Variants in NBEA observed in about 807,000 individuals in gnomAD.
The protein encoded by NBEA is lysosomal-trafficking regulator 2.
A neutral mutation model predicts 343.4 loss-of-function variants in NBEA; 44 were observed. That is an observed-to-expected ratio of 0.13 (90% confidence interval 0.10 to 0.16). The LOEUF is 0.16. Among genes scored for constraint, NBEA ranks in the 10% least tolerant of loss-of-function variants. NBEA has a pLI of 1.00. For missense variants in NBEA, 2,555 were observed against 3,631.3 expected (o/e 0.70, Z 7.62); for synonymous variants, 1,175 against 1,238.7 (o/e 0.95, Z 1.08).
At chr13:35,424,984 G>A (rs141745047) in intron 38 of NBEA, among the ~76,000 whole-genome samples, 3,340 of 152,102 alleles carry the variant, frequency 0.022, 146 homozygotes, top group African/African-American at 0.077. Context: ...CTGTGGGATC[G>A]GTGGTGATAT....
At chr13:35,531,606 C>G (rs1156953678) in intron 41 of NBEA, among the ~76,000 whole-genome samples, 3 of 152,152 alleles carry the variant, frequency 2.0e-5, no homozygotes, top group Non-Finnish European at 4.4e-5. Context: ...TTCCCCGTCT[C>G]TATGACAACT....
In NBEA at chr13:35,484,274, GTATATATA is replaced by G. The variant is rs202233951; in HGVS notation, c.6585+11750_6585+11757del. On this transcript the variant is annotated intron_variant, in intron 41 of 58. Coordinates refer to ENST00000379939, the MANE Select transcript of NBEA (RefSeq NM_001385012.1). The stretch of plus-strand genomic sequence containing the variant: ...TGTGTGTGTGTGTGTGTGTGTGTGT[GTATATATA>G]TATATATATATGTAGACCCTCACTA... Among the ~76,000 whole-genome samples the G allele has an allele frequency of 7.0e-3, 806 of 115,150 alleles. 8 individuals carry two copies. The highest frequency in any genetic ancestry group is 0.04 in the East Asian group (169 of 4,200). The allele number at this position is 115,150 out of a possible 152,430, so 75.5% of individuals were successfully genotyped here. A position where few individuals can be genotyped will look rare whatever the true frequency, so the allele number is the denominator to read the frequency against.
chr13:34,988,576 C>T (rs2060641432), intron 1 of NBEA, among the ~76,000 whole-genome samples: 1 of 151,058 alleles, frequency 6.6e-6, no homozygotes, highest in African/African-American at 2.4e-5. Flanking sequence ...GTGAGCAAGT[C>T]TCTGTGGGCG....
intron 38 of NBEA, among the ~76,000 whole-genome samples, chr13:35,356,132 T>C (rs2040479291): frequency 6.6e-6 from 1 of 152,106 alleles, no homozygotes; most frequent in African/African-American, 2.4e-5. Context: ...TTTTCAGTAA[T>C]GATACCTATC....
intron 34 of NBEA, among the ~76,000 whole-genome samples, chr13:35,256,022 T>C (rs765422365): frequency 7.3e-5 from 11 of 150,558 alleles, no homozygotes; most frequent in Non-Finnish European, 1.5e-4. Context: ...ATACCTGGAG[T>C]GAGTAGCTCC....
intron 38 of NBEA, among the ~76,000 whole-genome samples, chr13:35,381,231 A>G (rs1178583235): frequency 6.6e-6 from 1 of 152,116 alleles, no homozygotes; most frequent in Non-Finnish European, 1.5e-5. Context: ...AGTTCAATTA[A>G]TATGTCATTT....
chr13:35,641,807 G>A (rs1290216721), intron 49 of NBEA, among the ~76,000 whole-genome samples: 1 of 151,740 alleles, frequency 6.6e-6, no homozygotes, highest in African/African-American at 2.4e-5. Flanking sequence ...AATGTAGATG[G>A]TGGTTAGAAG....
intron 10 of NBEA, among the ~76,000 whole-genome samples, chr13:35,076,596 CAAG>C (rs1342330669): frequency 1.3e-5 from 2 of 151,896 alleles, no homozygotes; most frequent in Non-Finnish European, 2.9e-5. Flanking sequence ...TGTCTTGTTA[CAAG>C]GTTTATGCTT....
intron 41 of NBEA, among the ~76,000 whole-genome samples, chr13:35,506,337 G>A (rs1400536000): frequency 6.6e-6 from 1 of 152,170 alleles, no homozygotes; most frequent in Admixed American, 6.5e-5. Flanking sequence ...TCATAGAACT[G>A]AGATTACAAG....
intron 1 of NBEA, among the ~76,000 whole-genome samples, chr13:35,000,319 A>G (rs1339212394): frequency 6.6e-6 from 1 of 152,126 alleles, no homozygotes; most frequent in African/African-American, 2.4e-5. Context: ...TGAAAAATTT[A>G]CATGGGAATT....
chr13:35,614,650 C>A (rs1338732696), intron 48 of NBEA, among the ~76,000 whole-genome samples: 1 of 152,182 alleles, frequency 6.6e-6, no homozygotes, highest in Non-Finnish European at 1.5e-5. Context: ...AGTTGTGTAT[C>A]AACAGATGAA....
At position 35,366,143 on chromosome 13, in the gene NBEA, A is replaced by G. The variant is rs538068352; in HGVS notation, c.6179+13820A>G. ...GGCTTGTTTACTGTCATCACTGTTCACTTAATCCTACGACCTTGACATGAT... is the reference window on the plus strand; with the variant it reads ...GGCTTGTTTACTGTCATCACTGTTCGCTTAATCCTACGACCTTGACATGAT... On this transcript the variant is annotated intron_variant, in intron 38 of 58. Coordinates refer to ENST00000379939, the MANE Select transcript of NBEA (RefSeq NM_001385012.1). Among the ~76,000 whole-genome samples, 482 of 151,710 alleles carry G rather than the reference A, an allele frequency of 3.2e-3. 1 individual carries two copies. Among genetic ancestry groups the G allele is most frequent in the Admixed American group, 5.3e-3 (80 of 15,180 alleles).
At chr13:35,584,103 T>C in intron 46 of NBEA, 65 bp downstream of exon 46, 3 of 1,402,260 alleles carry the variant, frequency 2.1e-6, no homozygotes, top group Non-Finnish European at 3.0e-6. Flanking sequence ...GTAAATTAAA[T>C]AAAAATCAAA....
At chr13:35,544,609 T>C (rs993565925) in intron 41 of NBEA, among the ~76,000 whole-genome samples, 12 of 152,210 alleles carry the variant, frequency 7.9e-5, no homozygotes, top group Admixed American at 4.6e-4. Context: ...TTACTTTCTA[T>C]GTACCTTACT....
intron 34 of NBEA, among the ~76,000 whole-genome samples, chr13:35,283,151 A>G (rs2035167922): frequency 6.6e-6 from 1 of 152,174 alleles, no homozygotes; most frequent in Non-Finnish European, 1.5e-5. Context: ...TAGAAGATTT[A>G]TCTGTGAGTG....
intron 34 of NBEA, among the ~76,000 whole-genome samples, chr13:35,242,736 T>C (rs989878148): frequency 6.6e-6 from 1 of 151,816 alleles, no homozygotes; most frequent in African/African-American, 2.4e-5. Context: ...ATGATATATT[T>C]AAAGTGCATG....
At chr13:35,655,457 C>G (rs1288488550) in intron 54 of NBEA, 122 bp from the exon 55 acceptor site, 1 of 1,121,418 alleles carries the variant, frequency 8.9e-7, no homozygotes, top group Non-Finnish European at 1.2e-6. Context: ...GAACTTTTCA[C>G]AAAACTGGTA....
At chr13:35,178,511 G>A (rs1419388783) in intron 28 of NBEA, among the ~76,000 whole-genome samples, 2 of 151,554 alleles carry the variant, frequency 1.3e-5, no homozygotes, top group Non-Finnish European at 1.5e-5. Context: ...GCAACAGCAT[G>A]TAGAAGTACT....
chr13:34,978,448 A>G (rs1566114516), intron 1 of NBEA, among the ~76,000 whole-genome samples: 1 of 152,216 alleles, frequency 6.6e-6, no homozygotes, highest in Non-Finnish European at 1.5e-5. Flanking sequence ...GACGCCATGC[A>G]TATTTTTTAA....
Sources: gnomAD v4.1 joint callset for allele counts (sites outside exome capture counted in the v4.1 genomes callset) on GRCh38, gnomAD v4.1.1 for gene constraint, MANE v1.5 for transcripts, NCBI Gene and HGNC (gene_info 2026-07-23, HGNC 2026-07-21) for gene names.